ZC3H13: variants seen among roughly 807,000 people sequenced by gnomAD.
ZC3H13 encodes zinc finger CCCH-type containing 13.
Under a neutral mutation model 204.1 loss-of-function variants are expected in ZC3H13, and 64 were observed. The observed-to-expected ratio is 0.31, with a 90% CI of 0.26 to 0.39. The LOEUF (loss-of-function observed/expected upper bound fraction) is 0.39. Among genes scored for constraint, ZC3H13 ranks in the 10% least tolerant of loss-of-function variants. The pLI is 1.00. For synonymous variants in ZC3H13, 667 were observed against 693.7 expected, an observed-to-expected ratio of 0.96 and a Z score of 0.60; for missense variants, 1,833 against 2,082.7, an observed-to-expected ratio of 0.88 and a Z score of 2.33.
At chr13:45,990,186 A>G (rs533933121) in intron 8 of ZC3H13, among the ~76,000 whole-genome samples, 4 of 152,188 alleles carry the variant, frequency 2.6e-5, no homozygotes, top group African/African-American at 9.6e-5. Context: ...CCTGGCCTCA[A>G]CTCACTAGAT....
Position 45,963,694 on chromosome 13 carries a change from T to C in ZC3H13, c.4675+148A>G, listed in dbSNP as rs914667532. ...AAATTTTAAAGAGAAACTTTGACCA[T>C]GAGGGTTAAATAATGATTATAAAAT... On this transcript the variant is annotated intron_variant, in intron 17 of 18. Coordinates refer to ENST00000679008, the MANE Select transcript of ZC3H13 (RefSeq NM_001330564.2). 3.4e-6 allele frequency: 5 copies of C among 1,476,904 alleles called. No homozygotes were observed. In the African/African-American group the frequency reaches 5.7e-5, roughly 17 times the overall value. 91.5% of individuals were successfully genotyped at this position (1,476,904 alleles called of 1,614,324 possible).
At chr13:46,008,754 G>A (rs554067461) in intron 7 of ZC3H13, among the ~76,000 whole-genome samples, 115 of 152,210 alleles carry the variant, frequency 7.6e-4, no homozygotes, top group Admixed American at 1.7e-3. Context: ...GAAGTGGAGC[G>A]TATCACTCTC....
intron 8 of ZC3H13, among the ~76,000 whole-genome samples, chr13:45,998,275 T>A (rs900710860): frequency 6.6e-6 from 1 of 152,206 alleles, no homozygotes; most frequent in South Asian, 2.1e-4. Context: ...CCACACAAAT[T>A]TTTTGGTTTC....
At position 45,967,880 on chromosome 13, in the gene ZC3H13, CCTCT is replaced by C; in HGVS notation, c.3941_3944del (p.Glu1314GlyfsTer48). ...CCCATTCTCTCTGCCTCGTATCTCTCCTCTCTCTCTCGCGCTCTCTGTCGTGTTC... is the reference window on the plus strand; with the variant it reads ...CCCATTCTCTCTGCCTCGTATCTCTCCTCTCTCGCGCTCTCTGTCGTGTTC... On this transcript the variant is annotated frameshift_variant, in exon 15 of 19. Transcript: ENST00000679008. LOFTEE classifies it high-confidence loss of function. 1.2e-6 allele frequency: 2 copies of C among 1,613,812 alleles called. No individual in the cohort carries two copies. Among genetic ancestry groups the C allele is most frequent in the African/African-American group, 1.3e-5 (1 of 74,952 alleles).
intron 17 of ZC3H13, chr13:45,962,576 T>C: frequency 3.0e-6 from 3 of 985,202 alleles, no homozygotes; most frequent in Non-Finnish European, 3.6e-6. Context: ...TTTCGGTTAA[T>C]ACACGTTAAC....
chr13:45,983,732 T>C (rs1593534242), intron 10 of ZC3H13, among the ~76,000 whole-genome samples: 1 of 152,130 alleles, frequency 6.6e-6, no homozygotes, highest in South Asian at 2.1e-4. Flanking sequence ...CGGCCCCTTC[T>C]ACTTATATTT....
rs1319071785 is a variant in ZC3H13 at position 45,960,211 on chromosome 13, C to A, written c.4676-565G>T. Reference sequence around the variant, plus strand: ...ACCTCAAGTGATCTGCCTGCCTCGGCCTCCCAAAGTGCTGGGATTACAGCC... The same window carrying A: ...ACCTCAAGTGATCTGCCTGCCTCGGACTCCCAAAGTGCTGGGATTACAGCC... On this transcript the variant is annotated intron_variant, in intron 17 of 18. Coordinates refer to ENST00000679008, the MANE Select transcript of ZC3H13 (RefSeq NM_001330564.2). Among the ~76,000 whole-genome samples, 5 of 152,166 alleles carry A rather than the reference C, an allele frequency of 3.3e-5. No homozygotes were observed. In the East Asian group the frequency reaches 7.7e-4, roughly 24 times the overall value.
chr13:46,034,044 C>G (rs182755579), intron 4 of ZC3H13, among the ~76,000 whole-genome samples: 1 of 152,062 alleles, frequency 6.6e-6, no homozygotes, highest in East Asian at 1.9e-4. Context: ...AGATCAGAAA[C>G]AGCCAATAAA....
intron 4 of ZC3H13, among the ~76,000 whole-genome samples, chr13:46,041,390 G>A (rs1172223043): frequency 6.6e-6 from 1 of 152,112 alleles, no homozygotes; most frequent in African/African-American, 2.4e-5. Flanking sequence ...GAGAGAGAAA[G>A]AGGATTTAGT....
At position 45,969,778 on chromosome 13, in the gene ZC3H13, TTCTC is replaced by T; in HGVS notation, c.2762_2765del (p.Arg921AsnfsTer17). 6.2e-7 allele frequency: 1 copy of T among 1,613,958 alleles called. No homozygotes were observed. Among genetic ancestry groups the T allele is most frequent in the South Asian group, 1.1e-5 (1 of 91,084 alleles). On this transcript the variant is annotated frameshift_variant, in exon 14 of 19. Transcript: ENST00000679008. LOFTEE classifies it high-confidence loss of function. The stretch of plus-strand genomic sequence containing the variant: ...TTGAGCTTTCCAGGATTTCTGTCTG[TTCTC>T]TCTGTTTATCTACAGAAGAAACTTT...
chr13:46,000,478 C>A (rs556089334), intron 8 of ZC3H13, among the ~76,000 whole-genome samples: 1 of 152,310 alleles, frequency 6.6e-6, no homozygotes, highest in Admixed American at 6.5e-5. Context: ...GTAACCTCTG[C>A]TAACTTCAAA....
chr13:46,019,737 CCAT>C (rs1282111978), intron 5 of ZC3H13, among the ~76,000 whole-genome samples: 4 of 152,148 alleles, frequency 2.6e-5, no homozygotes, highest in African/African-American at 9.7e-5. Flanking sequence ...GCATGCACCA[CCAT>C]GTCAGGCTAA....
intron 7 of ZC3H13, among the ~76,000 whole-genome samples, 187 bp from the exon 8 acceptor site, chr13:46,003,523 AT>A (rs1402251646): frequency 3.3e-5 from 5 of 152,192 alleles, no homozygotes; most frequent in African/African-American, 1.2e-4. Context: ...CTTGATACTT[AT>A]TTTGTTAACA....
intron 17 of ZC3H13, chr13:45,962,168 A>G: frequency 1.0e-6 from 1 of 985,380 alleles, no homozygotes; most frequent in Non-Finnish European, 1.2e-6. Context: ...AGATAATTAG[A>G]CCTTGGATAT....
chr13:46,002,919 A>G (rs2040853114), intron 8 of ZC3H13, among the ~76,000 whole-genome samples: 1 of 151,992 alleles, frequency 6.6e-6, no homozygotes, highest in Non-Finnish European at 1.5e-5. Flanking sequence ...TTGTTTTTTT[A>G]CCACAATAAA....
chr13:46,030,970 G>A (rs995108891), intron 4 of ZC3H13, among the ~76,000 whole-genome samples: 6 of 152,008 alleles, frequency 3.9e-5, no homozygotes, highest in African/African-American at 1.4e-4. Context: ...AACCAGAATA[G>A]CCAACACAAT....
chr13:46,043,654 T>A (rs1318434784), intron 3 of ZC3H13, among the ~76,000 whole-genome samples: 3 of 151,902 alleles, frequency 2.0e-5, no homozygotes, highest in African/African-American at 7.2e-5. Flanking sequence ...TGAACTATGT[T>A]TTTCCTCCCG....
Position 46,052,493 on chromosome 13 carries a change from G to C in ZC3H13, c.-99C>G, listed in dbSNP as rs2044549869. 2.5e-6 allele frequency: 1 copy of C among 398,406 alleles called. No homozygotes were observed. The highest frequency in any genetic ancestry group is 4.4e-6 in the Non-Finnish European group (1 of 226,086). The allele number at this position is 398,406 out of a possible 1,614,324, so 24.7% of individuals were successfully genotyped here. ...GCGGGGGAGGCGACTCTGTCCCCGC[G>C]CCTGGACCCAGGAGGACGACGACGA... On this transcript the variant is annotated 5_prime_UTR_variant, in exon 1 of 19. Coordinates refer to ENST00000679008, the MANE Select transcript of ZC3H13 (RefSeq NM_001330564.2).
intron 16 of ZC3H13, among the ~76,000 whole-genome samples, chr13:45,964,771 T>C (rs1951952992): frequency 6.6e-6 from 1 of 152,218 alleles, no homozygotes. Flanking sequence ...TGTTGCTTCA[T>C]GGTATAATCA....
Sources: gnomAD v4.1 joint callset for allele counts (sites outside exome capture counted in the v4.1 genomes callset) on GRCh38, gnomAD v4.1.1 for gene constraint, MANE v1.5 for transcripts, NCBI Gene and HGNC (gene_info 2026-07-23, HGNC 2026-07-21) for gene names.